Variants in COL11A2 observed in about 807,000 individuals in gnomAD.
The protein encoded by COL11A2 is collagen alpha-2(XI) chain.
Under a neutral mutation model 273.4 loss-of-function variants are expected in COL11A2, and 116 were observed. The observed-to-expected ratio is 0.42, with a 90% CI of 0.36 to 0.49. COL11A2 has a LOEUF of 0.49. Ranked by LOEUF, COL11A2 falls within the 20% of genes least tolerant of loss-of-function variation. The pLI is 0.00. For synonymous variants in COL11A2, 782 were observed against 864.2 expected (o/e 0.90, Z 1.67); for missense variants, 1,866 against 2,309.0 (o/e 0.81, Z 3.93).
In COL11A2 at chr6:33,177,359, G is replaced by A. The variant is rs1179695964; in HGVS notation, c.1971+53C>T. 25 of 1,608,498 alleles carry A rather than the reference G, an allele frequency of 1.6e-5. No homozygotes were observed. Among genetic ancestry groups the A allele is most frequent in the South Asian group, 4.4e-5 (4 of 90,976 alleles). ...TCCTTCCAGGGTCTCACCCATTGTG[G>A]AAGCCCAAGGGAAGTCATGAAAATT... is the stretch of plus-strand genomic sequence containing the variant. On this transcript the variant is annotated intron_variant, in intron 23 of 65. Coordinates refer to ENST00000341947, the MANE Select transcript of COL11A2 (RefSeq NM_080680.3). The surrounding 1 kb of genome is among the most constrained non-coding windows in gnomAD (Gnocchi z 5.9).
In COL11A2 at chr6:33,167,141, G is replaced by A. The variant is rs1292739732; in HGVS notation, c.4177-18C>T. ...GGGGGTCCCTGTGGAGAGATGGGAA[G>A]TCATTCTCTTAAGGGAGAGGTGGGA... On this transcript the variant is annotated intron_variant, in intron 57 of 65. Coordinates refer to ENST00000341947, the MANE Select transcript of COL11A2 (RefSeq NM_080680.3). The surrounding 1 kb of genome is among the most constrained non-coding windows in gnomAD (Gnocchi z 6.1). 2 of 1,614,050 alleles carry A rather than the reference G, an allele frequency of 1.2e-6. No individual in the cohort carries two copies. The highest frequency in any genetic ancestry group is 1.7e-5 in the Admixed American group (1 of 60,020).
chr6:33,169,121 C>A lies in COL11A2; in HGVS notation c.3799-113G>T, dbSNP rs1769656924. 1 of 1,066,632 alleles carries A rather than the reference C, an allele frequency of 9.4e-7. No homozygotes were observed. The highest frequency in any genetic ancestry group is 2.5e-5 in the East Asian group (1 of 40,506). 66.1% of individuals were successfully genotyped at this position (1,066,632 alleles called of 1,614,324 possible). A position where few individuals can be genotyped will look rare whatever the true frequency, so the allele number is the denominator to read the frequency against. ...TAGAGGCAGTGCCCACCAGTACCCCCCAGGAAGAGGTCTCCTGCACCCCTT... is the reference window on the plus strand; with the variant it reads ...TAGAGGCAGTGCCCACCAGTACCCCACAGGAAGAGGTCTCCTGCACCCCTT... On this transcript the variant is annotated intron_variant, in intron 51 of 65. Coordinates refer to ENST00000341947, the MANE Select transcript of COL11A2 (RefSeq NM_080680.3). This position sits in a 1 kb window ranked among gnomAD's most constrained non-coding sequence, Gnocchi z 5.5.
At chr6:33,172,729 C>T in intron 38 of COL11A2, 92 bp from the exon 39 acceptor site, 1 of 1,103,664 alleles carries the variant, frequency 9.1e-7, no homozygotes, top group Non-Finnish European at 1.4e-6. Flanking sequence ...AACACTCCTT[C>T]AGAACCCCTT....
At chr6:33,168,457 C>T (rs552135062) in intron 54 of COL11A2, 62 bp downstream of exon 54, 5 of 1,586,724 alleles carry the variant, frequency 3.2e-6, no homozygotes, top group South Asian at 1.1e-5. Flanking sequence ...TGCCATTGCC[C>T]AGCCTCCACC....
chr6:33,170,063 C>G lies in COL11A2; in HGVS notation c.3620G>C (p.Gly1207Ala), dbSNP rs1769805174. The change falls in exon 49 of 66, where the codon GGT becomes GCT. Residue 1207 changes from glycine (G) to alanine (A), a missense_variant. Gly to Ala is a moderately conservative substitution (Grantham distance 60, BLOSUM62 0). Transcript: ENST00000341947. The surrounding 1 kb of genome is among the most constrained non-coding windows in gnomAD (Gnocchi z 4.3). ...CCCAGTTACCTTCTCTCCAGGGGGACCCAGGTTCCCAACACCTCCTGGGGG... is the reference window on the plus strand; with the variant it reads ...CCCAGTTACCTTCTCTCCAGGGGGAGCCAGGTTCCCAACACCTCCTGGGGG... ...QGPPGGVGNL[G>A]PPGEKGEPGE... is the part of the protein sequence containing the mutation. 2.5e-6 allele frequency: 4 copies of G among 1,613,030 alleles called. No individual in the cohort carries two copies. The highest frequency in any genetic ancestry group is 3.4e-6 in the Non-Finnish European group (4 of 1,179,996).
chr6:33,171,165 G>T lies in COL11A2; in HGVS notation c.3315C>A (p.Gly1105=), dbSNP rs1488408001. 4.4e-6 allele frequency: 7 copies of T among 1,607,238 alleles called. No individual in the cohort carries two copies. Among genetic ancestry groups the T allele is most frequent in the Non-Finnish European group, 6.0e-6 (7 of 1,176,242 alleles). ...CAATGGGTCCAGGGGGTCCAGGAGGGCCCTGGGTAAGAGAAGAGAGTCAGA... is the reference window on the plus strand; with the variant it reads ...CAATGGGTCCAGGGGGTCCAGGAGGTCCCTGGGTAAGAGAAGAGAGTCAGA... ...KGTKGNKGEH[G]PPGPPGPIGP... is the part of the protein sequence containing the mutation. The change falls in exon 45 of 66, where the codon GGC becomes GGA. Residue 1105 remains glycine (G), a splice_region_variant and synonymous_variant. Transcript: ENST00000341947.
At chr6:33,168,882 A>T in intron 52 of COL11A2, 73 bp downstream of exon 52, 1 of 1,565,190 alleles carries the variant, frequency 6.4e-7, no homozygotes, top group Non-Finnish European at 8.7e-7. Flanking sequence ...ACCCAAGCCC[A>T]GCGGCCACAC....
intron 30 of COL11A2, 134 bp from the exon 31 acceptor site, chr6:33,174,714 C>T (rs1770662758): frequency 3.7e-6 from 3 of 820,342 alleles, no homozygotes; most frequent in Admixed American, 4.0e-5. Context: ...CCTCTAGCCC[C>T]TCATTGCTTG....
intron 6 of COL11A2, 70 bp from the exon 7 acceptor site, chr6:33,185,124 G>A: frequency 8.5e-7 from 1 of 1,180,914 alleles, no homozygotes; most frequent in Non-Finnish European, 1.2e-6. Flanking sequence ...GCAGAAGGGA[G>A]GCAAAGCAGC....
Position 33,178,036 on chromosome 6 carries a change from C to T in COL11A2, c.1872+96G>A. 1.6e-6 allele frequency: 2 copies of T among 1,288,606 alleles called. No homozygotes were observed. Among genetic ancestry groups the T allele is most frequent in the Admixed American group, 1.9e-5 (1 of 52,436 alleles). The allele number at this position is 1,288,606 out of a possible 1,614,324, so 79.8% of individuals were successfully genotyped here. On this transcript the variant is annotated intron_variant, in intron 21 of 65. Coordinates refer to ENST00000341947, the MANE Select transcript of COL11A2 (RefSeq NM_080680.3). This position sits in a 1 kb window ranked among gnomAD's most constrained non-coding sequence, Gnocchi z 4.6. ...GAGCTCACAGGGAATGGGAAGCATG[C>T]CGAGAGAGGAGAGGGAGCAGGAAGG...
At position 33,167,664 on chromosome 6, in the gene COL11A2, A is replaced by G. The variant is rs1313065863; in HGVS notation, c.4015-131T>C. 1.7e-5 allele frequency: 25 copies of G among 1,450,794 alleles called. No individual in the cohort carries two copies. Among genetic ancestry groups the G allele is most frequent in the Non-Finnish European group, 2.3e-5 (24 of 1,047,130 alleles). 89.9% of individuals were successfully genotyped at this position (1,450,794 alleles called of 1,614,324 possible). A position where few individuals can be genotyped will look rare whatever the true frequency, so the allele number is the denominator to read the frequency against. ...CTCTAGGAGCCCCTAGCGCAGGAACAAGTACAGGGAACGCCTGTCCCCATA... is the reference window on the plus strand; with the variant it reads ...CTCTAGGAGCCCCTAGCGCAGGAACGAGTACAGGGAACGCCTGTCCCCATA... On this transcript the variant is annotated intron_variant, in intron 55 of 65. Transcript: ENST00000341947. The surrounding 1 kb of genome is among the most constrained non-coding windows in gnomAD (Gnocchi z 6.1).
intron 40 of COL11A2, 35 bp from the exon 41 acceptor site, chr6:33,172,138 A>T: frequency 6.2e-7 from 1 of 1,612,246 alleles, no homozygotes; most frequent in Non-Finnish European, 8.5e-7. Context: ...ATGAGACTTC[A>T]CGAAAAGAGA....
chr6:33,167,131 G>T lies in COL11A2; in HGVS notation c.4177-8C>A. The T allele has an allele frequency of 6.2e-7, 1 of 1,614,104 alleles. No individual in the cohort carries two copies. The highest frequency in any genetic ancestry group is 1.1e-5 in the South Asian group (1 of 91,084). ...AGGCAGCCCTGGGGGTCCCTGTGGA[G>T]AGATGGGAAGTCATTCTCTTAAGGG... On this transcript the variant is annotated splice_polypyrimidine_tract_variant and splice_region_variant and intron_variant, in intron 57 of 65. Coordinates refer to ENST00000341947, the MANE Select transcript of COL11A2 (RefSeq NM_080680.3). The surrounding 1 kb of genome is among the most constrained non-coding windows in gnomAD (Gnocchi z 6.1).
chr6:33,163,602 G>A lies in COL11A2; in HGVS notation c.*76C>T. 1 of 1,608,672 alleles carries A rather than the reference G, an allele frequency of 6.2e-7. No individual in the cohort carries two copies. The highest frequency in any genetic ancestry group is 8.5e-7 in the Non-Finnish European group (1 of 1,176,114). ...CCTAGATAGTGAGGAGCCCTCTTGG[G>A]AGGTGGCACAGAGCTGATGTTGTGG... On this transcript the variant is annotated 3_prime_UTR_variant, in exon 66 of 66. Transcript: ENST00000341947. This position sits in a 1 kb window ranked among gnomAD's most constrained non-coding sequence, Gnocchi z 4.1.
rs1770405127 is a variant in COL11A2 at position 33,173,360 on chromosome 6, T to C, written c.2724A>G (p.Gln908=). The change falls in exon 37 of 66, where the codon CAA becomes CAG. Residue 908 remains glutamine, a synonymous_variant. Coordinates refer to ENST00000341947, the MANE Select transcript of COL11A2 (RefSeq NM_080680.3). This position sits in a 1 kb window ranked among gnomAD's most constrained non-coding sequence, Gnocchi z 6.3. ...GKDGLPGHPG[Q]RGEVGFQGKT... Reference sequence around the variant, plus strand: ...GAGCATCACTCACCACTTCTCCTCTTTGGCCTGGGTGTCCCGGCAGCCCAT... The same window carrying C: ...GAGCATCACTCACCACTTCTCCTCTCTGGCCTGGGTGTCCCGGCAGCCCAT... The C allele has an allele frequency of 6.2e-7, 1 of 1,612,270 alleles. No homozygotes were observed. The highest frequency in any genetic ancestry group is 1.3e-5 in the African/African-American group (1 of 74,776).
In COL11A2 at chr6:33,167,902, CTCAA is replaced by C; in HGVS notation, c.3961-54_3961-51del. ...GCACATGAGGCCGTGGGCAGCCAGG[CTCAA>C]CTCTTCCCCCTTCCTGTCCTAGACA... On this transcript the variant is annotated intron_variant, in intron 54 of 65. Transcript: ENST00000341947. This position sits in a 1 kb window ranked among gnomAD's most constrained non-coding sequence, Gnocchi z 6.1. The C allele has an allele frequency of 6.3e-7, 1 of 1,599,592 alleles. No individual in the cohort carries two copies. Among genetic ancestry groups the C allele is most frequent in the Non-Finnish European group, 8.5e-7 (1 of 1,170,054 alleles).
chr6:33,166,666 CT>C lies in COL11A2; in HGVS notation c.4338+53del, dbSNP rs1301407040. On this transcript the variant is annotated intron_variant, in intron 59 of 65. Coordinates refer to ENST00000341947, the MANE Select transcript of COL11A2 (RefSeq NM_080680.3). This position sits in a 1 kb window ranked among gnomAD's most constrained non-coding sequence, Gnocchi z 4.8. ...CTGAGTCCCAACTCCAACTCCACCC[CT>C]CTCCACCCCACTCTCAACCCCCACA... 19 of 1,611,560 alleles carry C rather than the reference CT, an allele frequency of 1.2e-5. No homozygotes were observed. Among genetic ancestry groups the C allele is most frequent in the Non-Finnish European group, 1.6e-5 (19 of 1,177,994 alleles).
chr6:33,188,244 T>G, intron 4 of COL11A2, 118 bp downstream of exon 4: 2 of 1,249,686 alleles, frequency 1.6e-6, no homozygotes, highest in East Asian at 2.3e-5. Flanking sequence ...AAATGAAAAT[T>G]CATAAGAAAA....
In COL11A2 at chr6:33,169,478, C is replaced by T. The variant is rs200895031; in HGVS notation, c.3703G>A (p.Glu1235Lys). The change falls in exon 51 of 66, where the codon GAA (glutamate) becomes AAA (lysine). Residue 1235 changes from glutamate (E) to lysine (K), a missense_variant. By Grantham distance (56) the Glu-to-Lys change is moderately conservative (BLOSUM62 1). Transcript: ENST00000341947. This position sits in a 1 kb window ranked among gnomAD's most constrained non-coding sequence, Gnocchi z 5.5. ...CCCGACTCTCCTTTCTCTCCACGTT[C>T]CCCGCGTGGACCCTGCAGAACAAGC... is the stretch of plus-strand genomic sequence containing the variant. Reference protein sequence around the residue: ...GEPGVKGPRGERGEKGESGQP... With the variant: ...GEPGVKGPRGKRGEKGESGQP... 3 of 1,612,788 alleles carry T rather than the reference C, an allele frequency of 1.9e-6. No individual in the cohort carries two copies. Among genetic ancestry groups the T allele is most frequent in the Admixed American group, 3.3e-5 (2 of 60,002 alleles).
Sources: gnomAD v4.1 joint callset for allele counts on GRCh38, gnomAD v4.1.1 for gene constraint, Gnocchi (gnomAD v3.1) non-coding constraint, MANE v1.5 for transcripts, NCBI Gene and HGNC (gene_info 2026-07-23, HGNC 2026-07-21) for gene names.